MRPL39: variants seen among roughly 807,000 people sequenced by gnomAD.
The protein encoded by MRPL39 is mitochondrial ribosomal protein L39, also known as large ribosomal subunit protein mL39.
MRPL39 carries 35 observed loss-of-function variants against 44.5 expected under a neutral mutation model. The observed-to-expected ratio is 0.79, with a 90% CI of 0.60 to 1.04. The LOEUF is 1.04. MRPL39 is among the 50% of genes least tolerant of loss of function. The pLI is 0.00. For missense variants in MRPL39, 433 were observed against 413.5 expected, an observed-to-expected ratio of 1.05 and a Z score of -0.41; for synonymous variants, 139 against 136.1, an observed-to-expected ratio of 1.02 and a Z score of -0.15.
intron 4 of MRPL39, among the ~76,000 whole-genome samples, chr21:25,600,974 GGC>G (rs538040089): frequency 1.5e-3 from 236 of 152,270 alleles, no homozygotes; most frequent in Middle Eastern, 0.014. Flanking sequence ...CAGGCGTGGT[GGC>G]GCGCGCCTGT....
chr21:25,602,759 G>C (rs1385580284), intron 3 of MRPL39, among the ~76,000 whole-genome samples: 2 of 152,198 alleles, frequency 1.3e-5, no homozygotes, highest in Non-Finnish European at 2.9e-5. Context: ...AATTGTAAAA[G>C]ATAAATAGGA....
chr21:25,591,150 C>A (rs2031167856), intron 8 of MRPL39, among the ~76,000 whole-genome samples: 1 of 147,552 alleles, frequency 6.8e-6, no homozygotes. Flanking sequence ...TCAAAATGGA[C>A]CACAGATTTA....
At chr21:25,598,000 A>G (rs1328116555) in intron 5 of MRPL39, among the ~76,000 whole-genome samples, 1 of 152,214 alleles carries the variant, frequency 6.6e-6, no homozygotes, top group African/African-American at 2.4e-5. Context: ...GATTTTTAAT[A>G]AAAATTCTAA....
intron 3 of MRPL39, among the ~76,000 whole-genome samples, chr21:25,602,518 G>A (rs2031551618): frequency 6.6e-6 from 1 of 152,086 alleles, no homozygotes; most frequent in Non-Finnish European, 1.5e-5. Context: ...TCATTTTCTT[G>A]TTCAACTATT....
chr21:25,601,466 G>A lies in MRPL39; in HGVS notation c.422C>T (p.Ala141Val). 6.4e-7 allele frequency: 1 copy of A among 1,565,122 alleles called. No individual in the cohort carries two copies. The change falls in exon 4 of 10, where the codon GCA becomes GTA. Residue 141 changes from alanine to valine, a missense_variant and splice_region_variant. Coordinates refer to ENST00000352957, the MANE Select transcript of MRPL39 (RefSeq NM_017446.4). ...CATCATAGCACAGGAACGCCAATAT[G>A]CCTAGAAAAAAAATATACATATATA... ...KDCDPGEVNKAYWRSCAMMMG... is the reference protein window; with the variant it reads ...KDCDPGEVNKVYWRSCAMMMG...
intron 7 of MRPL39, among the ~76,000 whole-genome samples, chr21:25,593,409 G>C (rs1289020273): frequency 6.6e-6 from 1 of 152,224 alleles, no homozygotes; most frequent in Non-Finnish European, 1.5e-5. Context: ...TCCAGGTCAT[G>C]AAGTCATTTC....
chr21:25,606,325 G>A (rs2031665670), intron 2 of MRPL39, 124 bp downstream of exon 2: 3 of 806,300 alleles, frequency 3.7e-6, no homozygotes, highest in Non-Finnish European at 5.8e-6. Flanking sequence ...AAAGGATTTT[G>A]GTATAAAGGG....
chr21:25,601,578 A>C lies in MRPL39; in HGVS notation c.421-111T>G. ...TTCTGACTTAGAAAATATTTCTCATATATCTCTGTTCACACAATGTAGCAA... is the reference window on the plus strand; with the variant it reads ...TTCTGACTTAGAAAATATTTCTCATCTATCTCTGTTCACACAATGTAGCAA... On this transcript the variant is annotated intron_variant, in intron 3 of 9. Transcript: ENST00000352957. 11 of 645,814 alleles carry C rather than the reference A, an allele frequency of 1.7e-5. No homozygotes were observed. The South Asian group carries it at 3.4e-4, about 20-fold the overall frequency. 40.0% of individuals were successfully genotyped at this position (645,814 alleles called of 1,614,324 possible). A position where few individuals can be genotyped will look rare whatever the true frequency, so the allele number is the denominator to read the frequency against.
At chr21:25,593,003 T>G in intron 7 of MRPL39, 38 bp from the exon 8 acceptor site, 1 of 1,519,428 alleles carries the variant, frequency 6.6e-7, no homozygotes, top group African/African-American at 1.4e-5. Flanking sequence ...AACTGCAACA[T>G]CAAATAATTT....
In MRPL39 at chr21:25,605,904, A is replaced by C. The variant is rs112877042; in HGVS notation, c.280+545T>G. 1.4e-3 allele frequency among the ~76,000 whole-genome samples: 210 copies of C among 152,318 alleles called. 1 individual carries two copies. The highest frequency in any genetic ancestry group is 4.9e-3 in the African/African-American group (202 of 41,562). On this transcript the variant is annotated intron_variant, in intron 2 of 9. Transcript: ENST00000352957. ...TAAAATTAAATTAAATTAAAGGAGA[A>C]AGCACACTAGTAACAATGCACTCAG...
chr21:25,588,799 A>G, intron 9 of MRPL39, 36 bp downstream of exon 9: 2 of 1,560,572 alleles, frequency 1.3e-6, no homozygotes, highest in Non-Finnish European at 1.8e-6. Context: ...GAATTTCTTT[A>G]TAGAAGAGTA....
rs140202502 is a variant in MRPL39, at chr21:25,601,351, A to ATACT, written c.520+16_520+17insAGTA. On this transcript the variant is annotated intron_variant, in intron 4 of 9. Coordinates refer to ENST00000352957, the MANE Select transcript of MRPL39 (RefSeq NM_017446.4). ...AAATATTTAAGGATCACAAAAAGAC[A>ATACT]TATATGTATACACTACCAGGAACTT... 36 of 1,510,628 alleles carry ATACT rather than the reference A, an allele frequency of 2.4e-5. No individual in the cohort carries two copies. Among genetic ancestry groups the ATACT allele is most frequent in the Non-Finnish European group, 3.2e-5 (35 of 1,100,052 alleles). 93.6% of individuals were successfully genotyped at this position (1,510,628 alleles called of 1,614,324 possible).
chr21:25,607,083 C>A (rs1311842754), intron 1 of MRPL39, among the ~76,000 whole-genome samples: 1 of 152,262 alleles, frequency 6.6e-6, no homozygotes, highest in Non-Finnish European at 1.5e-5. Flanking sequence ...CCTGCCAAGG[C>A]AAGTACGAGT....
chr21:25,600,598 C>T (rs1013655265), intron 4 of MRPL39, among the ~76,000 whole-genome samples: 5 of 150,294 alleles, frequency 3.3e-5, no homozygotes, highest in South Asian at 2.1e-4. Flanking sequence ...AAATTTGACA[C>T]GTGATCCTAC....
Position 25,606,462 on chromosome 21 carries a change from G to T in MRPL39, c.267C>A (p.Tyr89Ter), listed in dbSNP as rs1379229763. The change falls in exon 2 of 10, where the codon TAC becomes TAA. Residue 89 changes from tyrosine (Y) to a stop codon, truncating the protein, a stop_gained. Transcript: ENST00000352957. LOFTEE classifies it high-confidence loss of function. Reference sequence around the variant, plus strand: ...TCTGCTACTTACGCATGGCACAACTGTAGGGAGTTGAAATGTTTTTATTCA... The same window carrying T: ...TCTGCTACTTACGCATGGCACAACTTTAGGGAGTTGAAATGTTTTTATTCA... ...FVMNKNISTP[Y>*]SCAMHLSEWY... 5 of 1,608,096 alleles carry T rather than the reference G, an allele frequency of 3.1e-6. No homozygotes were observed. Among genetic ancestry groups the T allele is most frequent in the Non-Finnish European group, 4.2e-6 (5 of 1,176,944 alleles).
chr21:25,607,571 G>C, upstream of MRPL39: 3 of 1,296,042 alleles, frequency 2.3e-6, no homozygotes, highest in Non-Finnish European at 3.2e-6. Context: ...GGTCTGTTCC[G>C]GACCCAGCAC....
chr21:25,596,574 C>A (rs1398694229), intron 6 of MRPL39, among the ~76,000 whole-genome samples: 1 of 152,194 alleles, frequency 6.6e-6, no homozygotes, highest in Non-Finnish European at 1.5e-5. Context: ...GATAACCTAT[C>A]CCTATGAGAA....
chr21:25,606,631 G>A lies in MRPL39; in HGVS notation c.98C>T (p.Ser33Phe), dbSNP rs941112660. 1 of 1,613,144 alleles carries A rather than the reference G, an allele frequency of 6.2e-7. No homozygotes were observed. The highest frequency in any genetic ancestry group is 1.3e-5 in the African/African-American group (1 of 75,000). ...TGTCAATTCTGTCGGTGACAGCTGA[G>A]AAGCTGACGATGTTGCTATAAATCC... ...KWRFIATSSA[S>F]QLSPTELTEM... The change falls in exon 2 of 10, where the codon TCT (serine) becomes TTT (phenylalanine). Residue 33 changes from serine to phenylalanine, a missense_variant. Transcript: ENST00000352957.
intron 8 of MRPL39, among the ~76,000 whole-genome samples, chr21:25,592,378 T>C (rs1006352109): frequency 6.6e-6 from 1 of 152,116 alleles, no homozygotes; most frequent in Admixed American, 6.5e-5. Flanking sequence ...ATAACCCAAT[T>C]ATCTCAAAAT....
Sources: gnomAD v4.1 joint callset for allele counts (sites outside exome capture counted in the v4.1 genomes callset) on GRCh38, gnomAD v4.1.1 for gene constraint, MANE v1.5 for transcripts, NCBI Gene and HGNC (gene_info 2026-07-23, HGNC 2026-07-21) for gene names.